Variants in PPFIBP2 observed in about 807,000 individuals in gnomAD.
The protein encoded by PPFIBP2 is PPFIB scaffold protein 2, also known as liprin-beta-2.
In PPFIBP2, 118 loss-of-function variants were observed where a neutral mutation model predicts 118.3. That is an observed-to-expected ratio of 1.00 (90% CI 0.86 to 1.16). The LOEUF (loss-of-function observed/expected upper bound fraction) is 1.16. Ranked by LOEUF, PPFIBP2 falls within the 50% of genes most tolerant of loss-of-function variation. PPFIBP2 has a pLI of 0.00. For missense variants in PPFIBP2, 1,195 were observed against 1,073.1 expected, an observed-to-expected ratio of 1.11 and a Z score of -1.59; for synonymous variants, 414 against 397.4, an observed-to-expected ratio of 1.04 and a Z score of -0.50.
intron 5 of PPFIBP2, among the ~76,000 whole-genome samples, chr11:7,600,776 A>T (rs1409160821): frequency 2.6e-5 from 4 of 152,208 alleles, no homozygotes; most frequent in African/African-American, 9.7e-5. Flanking sequence ...ACTCCAGTTG[A>T]CTGCCCATGT....
At chr11:7,633,020 G>T (rs1590715056) in intron 12 of PPFIBP2, 86 bp downstream of exon 12, 2 of 1,236,124 alleles carry the variant, frequency 1.6e-6, no homozygotes, top group East Asian at 2.4e-5. Context: ...GACCGTGAAT[G>T]GTGAGCATGG....
At position 7,566,117 on chromosome 11, in the gene PPFIBP2, G is replaced by T. The variant is rs145996399; in HGVS notation, c.279+350G>T. Among the ~76,000 whole-genome samples the T allele has an allele frequency of 5.5e-3, 834 of 151,762 alleles. 8 individuals carry two copies. Among genetic ancestry groups the T allele is most frequent in the African/African-American group, 0.019 (795 of 41,354 alleles). ...ATCCCTGGCTGGTGTCTCTACCCTC[G>T]GCTAGATCCCACTACCCCTTGTTTC... On this transcript the variant is annotated intron_variant, in intron 3 of 23. Transcript: ENST00000299492.
At chr11:7,566,120 T>C (rs1356492769) in intron 3 of PPFIBP2, among the ~76,000 whole-genome samples, 1 of 152,120 alleles carries the variant, frequency 6.6e-6, no homozygotes, top group Non-Finnish European at 1.5e-5. Context: ...TACCCTCGGC[T>C]AGATCCCACT....
chr11:7,597,070 C>T, intron 4 of PPFIBP2: 1 of 1,064,912 alleles, frequency 9.4e-7, no homozygotes, highest in Non-Finnish European at 1.3e-6. Context: ...TTACAGCCCA[C>T]ATTCCTTAAT....
intron 1 of PPFIBP2, among the ~76,000 whole-genome samples, chr11:7,537,833 C>A (rs1590156991): frequency 6.6e-6 from 1 of 152,194 alleles, no homozygotes; most frequent in African/African-American, 2.4e-5. Context: ...TCCCCACTCC[C>A]CAATCCCTCT....
chr11:7,625,759 C>T lies in PPFIBP2; in HGVS notation c.712-18C>T. On this transcript the variant is annotated intron_variant, in intron 7 of 23. Transcript: ENST00000299492. ...GCAGTCCTTCTGACCTGGTAGGGAT[C>T]CTCTGTTGCTCTTCCAGGCTGAAGT... 1 of 1,607,974 alleles carries T rather than the reference C, an allele frequency of 6.2e-7. No homozygotes were observed.
chr11:7,566,060 CT>C (rs1854937111), intron 3 of PPFIBP2, among the ~76,000 whole-genome samples: 1 of 151,902 alleles, frequency 6.6e-6, no homozygotes, highest in African/African-American at 2.4e-5. Context: ...CACACACACC[CT>C]CGAATTACAT....
At chr11:7,582,312 C>G (rs1225308270) in intron 3 of PPFIBP2, among the ~76,000 whole-genome samples, 1 of 152,108 alleles carries the variant, frequency 6.6e-6, no homozygotes, top group East Asian at 1.9e-4. Context: ...ATATGGTCAC[C>G]CAAGGGCACT....
At chr11:7,655,153 C>T (rs543387872), downstream of PPFIBP2, among the ~76,000 whole-genome samples, 11 of 152,318 alleles carry the variant, frequency 7.2e-5, no homozygotes, top group South Asian at 2.3e-3. Flanking sequence ...TTCTGACAAG[C>T]TTGTGTCTTG....
intron 3 of PPFIBP2, among the ~76,000 whole-genome samples, chr11:7,573,291 A>T (rs934957219): frequency 6.6e-6 from 1 of 152,194 alleles, no homozygotes; most frequent in African/African-American, 2.4e-5. Flanking sequence ...TAACCCAGGG[A>T]TTAGCAAACC....
At chr11:7,609,414 C>A (rs565482228) in intron 5 of PPFIBP2, among the ~76,000 whole-genome samples, 16 of 152,326 alleles carry the variant, frequency 1.1e-4, no homozygotes, top group African/African-American at 3.8e-4. Flanking sequence ...CCTCATAGGA[C>A]ATTGCCCTTT....
intron 5 of PPFIBP2, 56 bp downstream of exon 5, chr11:7,597,729 C>A (rs1016899018): frequency 7.2e-6 from 10 of 1,386,676 alleles, no homozygotes; most frequent in Non-Finnish European, 1.0e-5. Context: ...TGTGCTGAAG[C>A]CCCTTTGTGT....
At chr11:7,592,941 C>T (rs1291651582) in intron 3 of PPFIBP2, among the ~76,000 whole-genome samples, 191 bp from the exon 4 acceptor site, 1 of 152,206 alleles carries the variant, frequency 6.6e-6, no homozygotes, top group Non-Finnish European at 1.5e-5. Flanking sequence ...GCGCACTTTT[C>T]AGTGGCATGT....
Position 7,651,863 on chromosome 11 carries a change from C to T in PPFIBP2, c.2436+19C>T. On this transcript the variant is annotated intron_variant, in intron 23 of 23. Coordinates refer to ENST00000299492, the MANE Select transcript of PPFIBP2 (RefSeq NM_003621.5). ...AGTCCGGGTGAGTTGCAGAGCCTTT[C>T]TGGGTGGGCCCTGGGCTGCCTCCTG... The T allele has an allele frequency of 1.9e-6, 3 of 1,598,774 alleles. No individual in the cohort carries two copies. The highest frequency in any genetic ancestry group is 2.6e-6 in the Non-Finnish European group (3 of 1,168,984).
chr11:7,602,218 T>C (rs1190801109), intron 5 of PPFIBP2, among the ~76,000 whole-genome samples: 1 of 152,174 alleles, frequency 6.6e-6, no homozygotes, highest in Non-Finnish European at 1.5e-5. Context: ...TGCTGGGCTC[T>C]GCCTCTTTGG....
chr11:7,613,467 G>A (rs1356917932), intron 6 of PPFIBP2, among the ~76,000 whole-genome samples: 1 of 152,168 alleles, frequency 6.6e-6, no homozygotes. Context: ...AGATGTGGGT[G>A]AATACTAGGT....
intron 13 of PPFIBP2, 31 bp from the exon 14 acceptor site, chr11:7,635,521 A>C (rs764734551): frequency 2.1e-5 from 33 of 1,592,858 alleles, no homozygotes; most frequent in Non-Finnish European, 2.8e-5. Context: ...CTTTTTCTCC[A>C]CATAAACGAA....
intron 3 of PPFIBP2, among the ~76,000 whole-genome samples, chr11:7,576,038 T>C (rs539619409): frequency 1.3e-5 from 2 of 152,264 alleles, no homozygotes; most frequent in Non-Finnish European, 2.9e-5. Flanking sequence ...TGCCGGGGAC[T>C]GTGCTGCCAG....
chr11:7,558,492 C>T (rs1853901080), intron 2 of PPFIBP2, among the ~76,000 whole-genome samples: 1 of 152,198 alleles, frequency 6.6e-6, no homozygotes, highest in South Asian at 2.1e-4. Context: ...TGCGGTGGCT[C>T]ACGCCTATAT....
Sources: allele counts gnomAD v4.1 joint callset (sites outside exome capture counted in the v4.1 genomes callset), GRCh38; gene constraint gnomAD v4.1.1; transcripts MANE v1.5; gene names NCBI Gene and HGNC (gene_info 2026-07-23, HGNC 2026-07-21).